Variants in FSIP1 observed in about 807,000 individuals in gnomAD.
FSIP1 encodes the protein fibrous sheath interacting protein 1.
In FSIP1, 65 loss-of-function variants were observed where a neutral mutation model predicts 60.9. The ratio of observed to expected loss-of-function variants is 1.07; its 90% CI spans 0.87 to 1.31. The LOEUF (loss-of-function observed/expected upper bound fraction) is 1.31. Ranked by LOEUF, FSIP1 falls within the 40% of genes most tolerant of loss-of-function variation. FSIP1 has a pLI of 0.00. For missense variants in FSIP1, 675 were observed against 665.5 expected, an observed-to-expected ratio of 1.01 and a Z score of -0.16; for synonymous variants, 209 against 221.2, an observed-to-expected ratio of 0.94 and a Z score of 0.49.
At chr15:39,673,351 T>A (rs1374496933) in intron 10 of FSIP1, among the ~76,000 whole-genome samples, 1 of 152,202 alleles carries the variant, frequency 6.6e-6, no homozygotes, top group African/African-American at 2.4e-5. Flanking sequence ...TCTCACTTGG[T>A]CATCCAGGCT....
chr15:39,711,676 C>CTTTTTTTTTTTTT (rs66840718), intron 10 of FSIP1, among the ~76,000 whole-genome samples: 4 of 85,732 alleles, frequency 4.7e-5, no homozygotes, highest in Admixed American at 1.9e-4. Flanking sequence ...ATTCCTACTT[C>CTTTTTTTTTTTTT]TTTTTTTTTT....
At chr15:39,764,761 C>T (rs1897624486) in intron 4 of FSIP1, among the ~76,000 whole-genome samples, 1 of 152,186 alleles carries the variant, frequency 6.6e-6, no homozygotes, top group Non-Finnish European at 1.5e-5. Context: ...ACCTCAAGCA[C>T]TTCACAGCTT....
chr15:39,661,975 T>C (rs554246940), intron 10 of FSIP1, among the ~76,000 whole-genome samples: 5 of 152,216 alleles, frequency 3.3e-5, no homozygotes, highest in Non-Finnish European at 7.3e-5. Context: ...CAGGCCAGAA[T>C]GTCTTTGAAA....
intron 10 of FSIP1, among the ~76,000 whole-genome samples, chr15:39,679,243 C>T (rs1183757986): frequency 6.6e-6 from 1 of 152,138 alleles, no homozygotes; most frequent in African/African-American, 2.4e-5. Context: ...TCCAAAAACG[C>T]TAACGGCTAA....
At chr15:39,754,619 A>G (rs1460963872) in intron 5 of FSIP1, among the ~76,000 whole-genome samples, 1 of 152,114 alleles carries the variant, frequency 6.6e-6, no homozygotes, top group Non-Finnish European at 1.5e-5. Context: ...AGTGTAAAAG[A>G]ACAATAACAG....
chr15:39,711,649 C>T (rs1566896263), intron 10 of FSIP1, among the ~76,000 whole-genome samples: 1 of 150,528 alleles, frequency 6.6e-6, no homozygotes, highest in Non-Finnish European at 1.5e-5. Context: ...CCAAGAGCCT[C>T]CTTACACTTC....
intron 5 of FSIP1, among the ~76,000 whole-genome samples, chr15:39,754,429 G>C (rs951041798): frequency 2.0e-5 from 3 of 152,024 alleles, no homozygotes; most frequent in African/African-American, 7.2e-5. Flanking sequence ...CACAGCACTA[G>C]ATAACCAGTA....
chr15:39,673,506 G>A (rs1353333457), intron 10 of FSIP1, among the ~76,000 whole-genome samples: 1 of 151,838 alleles, frequency 6.6e-6, no homozygotes, highest in African/African-American at 2.4e-5. Context: ...GTAGAGACGA[G>A]GTCTCGCTTT....
chr15:39,664,924 C>T (rs1018159327), intron 10 of FSIP1, among the ~76,000 whole-genome samples: 1 of 152,206 alleles, frequency 6.6e-6, no homozygotes, highest in Non-Finnish European at 1.5e-5. Flanking sequence ...GCTATTTCCT[C>T]CCACTAGAAT....
intron 2 of FSIP1, among the ~76,000 whole-genome samples, chr15:39,771,337 C>T (rs1214550157): frequency 6.6e-6 from 1 of 152,174 alleles, no homozygotes; most frequent in African/African-American, 2.4e-5. Context: ...AAGCACCTTT[C>T]CCCTCCCAAC....
At chr15:39,772,816 C>T (rs1188974186) in intron 2 of FSIP1, among the ~76,000 whole-genome samples, 1 of 152,020 alleles carries the variant, frequency 6.6e-6, no homozygotes, top group Non-Finnish European at 1.5e-5. Context: ...GTCTCGAACT[C>T]CTGGGTTCAA....
Position 39,600,772 on chromosome 15 carries a change from A to G in FSIP1, c.*108T>C. The G allele has an allele frequency of 1.3e-6, 1 of 776,884 alleles. No individual in the cohort carries two copies. The highest frequency in any genetic ancestry group is 2.0e-6 in the Non-Finnish European group (1 of 490,750). 48.1% of individuals were successfully genotyped at this position (776,884 alleles called of 1,614,324 possible). ...AGAGCGACTCCAAATGTCAAAATCAATAAAGAATAGTCTCTGCAGTGCATT... is the reference window on the plus strand; with the variant it reads ...AGAGCGACTCCAAATGTCAAAATCAGTAAAGAATAGTCTCTGCAGTGCATT... On this transcript the variant is annotated 3_prime_UTR_variant, in exon 12 of 12. Transcript: ENST00000350221.
intron 10 of FSIP1, among the ~76,000 whole-genome samples, chr15:39,637,987 T>C (rs1430409161): frequency 1.3e-5 from 2 of 152,202 alleles, no homozygotes; most frequent in African/African-American, 4.8e-5. Flanking sequence ...TGATATTTTA[T>C]AGTGAATAAA....
intron 9 of FSIP1, among the ~76,000 whole-genome samples, chr15:39,721,351 A>T (rs1370375924): frequency 6.6e-6 from 1 of 152,248 alleles, no homozygotes; most frequent in Admixed American, 6.5e-5. Context: ...AAATCTTCAA[A>T]GGAATTTTTA....
intron 10 of FSIP1, among the ~76,000 whole-genome samples, chr15:39,657,956 T>A (rs140355689): frequency 3.3e-5 from 5 of 152,182 alleles, no homozygotes; most frequent in Non-Finnish European, 2.9e-5. Context: ...GAGAACAGCA[T>A]ATATAGTAGG....
chr15:39,626,879 T>C (rs977363681), intron 10 of FSIP1, among the ~76,000 whole-genome samples: 5 of 152,158 alleles, frequency 3.3e-5, no homozygotes, highest in Non-Finnish European at 7.4e-5. Context: ...TCCAGAGACA[T>C]GAGCCCTTAA....
chr15:39,637,199 G>A (rs1394661387), intron 10 of FSIP1, among the ~76,000 whole-genome samples: 1 of 152,122 alleles, frequency 6.6e-6, no homozygotes, highest in Non-Finnish European at 1.5e-5. Flanking sequence ...TTTTTCTGTG[G>A]TTCTATTTCC....
At chr15:39,707,507 G>C (rs1218434828) in intron 10 of FSIP1, among the ~76,000 whole-genome samples, 1 of 151,918 alleles carries the variant, frequency 6.6e-6, no homozygotes, top group African/African-American at 2.4e-5. Flanking sequence ...AGGGTACCTT[G>C]GTTCTTCTCC....
At chr15:39,646,052 G>A (rs1020980067) in intron 10 of FSIP1, among the ~76,000 whole-genome samples, 3 of 152,186 alleles carry the variant, frequency 2.0e-5, no homozygotes, top group Non-Finnish European at 4.4e-5. Context: ...CTCCATAAAA[G>A]CTCTGTACTC....
Sources: allele counts gnomAD v4.1 joint callset (sites outside exome capture counted in the v4.1 genomes callset), GRCh38; gene constraint gnomAD v4.1.1; transcripts MANE v1.5; gene names NCBI Gene and HGNC (gene_info 2026-07-23, HGNC 2026-07-21).